The following MAP2 variants were observed in gnomAD, a reference collection of about 807,000 sequenced individuals.
MAP2 encodes microtubule-associated protein 2.
A neutral mutation model predicts 137.6 loss-of-function variants in MAP2; 14 were observed. The ratio of observed to expected loss-of-function variants is 0.10; its 90% CI spans 0.07 to 0.16. The LOEUF is 0.16. MAP2 is among the 10% of genes least tolerant of loss of function. MAP2 has a pLI of 1.00. For missense variants in MAP2, 2,088 were observed against 2,191.5 expected (o/e 0.95, Z 0.94); for synonymous variants, 786 against 782.3 (o/e 1.00, Z -0.08).
At chr2:209,651,991 A>G (rs1038081850) in intron 4 of MAP2, among the ~76,000 whole-genome samples, 1 of 152,160 alleles carries the variant, frequency 6.6e-6, no homozygotes, top group Non-Finnish European at 1.5e-5. Flanking sequence ...TTTGCTTGAG[A>G]TACTTTTTTG....
chr2:209,699,666 G>A (rs376368975), intron 10 of MAP2, among the ~76,000 whole-genome samples: 55 of 152,180 alleles, frequency 3.6e-4, no homozygotes, highest in African/African-American at 1.1e-3. Flanking sequence ...ATTTTCTCTC[G>A]TGTTTTCTGT....
intron 4 of MAP2, among the ~76,000 whole-genome samples, chr2:209,632,703 C>T (rs115343603): frequency 0.011 from 1,647 of 152,210 alleles, 29 homozygotes; most frequent in African/African-American, 0.038. Context: ...ATCTCCGTTG[C>T]TATCCATCAA....
intron 3 of MAP2, among the ~76,000 whole-genome samples, chr2:209,604,227 T>G (rs2083899636): frequency 6.6e-6 from 1 of 152,182 alleles, no homozygotes; most frequent in Non-Finnish European, 1.5e-5. Context: ...AATTCAGTTT[T>G]CCAAGTAGTT....
chr2:209,690,422 C>A (rs1175424492), intron 7 of MAP2, among the ~76,000 whole-genome samples: 1 of 152,132 alleles, frequency 6.6e-6, no homozygotes, highest in East Asian at 1.9e-4. Context: ...AGTTTTCCAA[C>A]CAGTACCTAA....
chr2:209,564,409 T>C (rs1488961122), intron 2 of MAP2, among the ~76,000 whole-genome samples: 1 of 152,078 alleles, frequency 6.6e-6, no homozygotes, highest in African/African-American at 2.4e-5. Context: ...TAGTGTTTTT[T>C]CAAACTGGAT....
intron 4 of MAP2, among the ~76,000 whole-genome samples, chr2:209,640,021 AAAAC>A (rs2093888935): frequency 6.6e-6 from 1 of 152,110 alleles, no homozygotes; most frequent in East Asian, 1.9e-4. Context: ...CCAAGTCTCA[AAAAC>A]AAACAAAACA....
At chr2:209,434,229 T>G (rs535895029) in intron 1 of MAP2, among the ~76,000 whole-genome samples, 23 of 152,206 alleles carry the variant, frequency 1.5e-4, no homozygotes, top group Admixed American at 1.3e-3. Flanking sequence ...AAATACACTT[T>G]GCAGACATTT....
intron 13 of MAP2, among the ~76,000 whole-genome samples, chr2:209,716,028 G>A (rs1424055196): frequency 2.0e-5 from 3 of 152,042 alleles, no homozygotes; most frequent in Admixed American, 2.0e-4. Flanking sequence ...CACTACCTTA[G>A]CGCAGGATAC....
chr2:209,590,478 G>A (rs1430912910), intron 3 of MAP2, among the ~76,000 whole-genome samples: 1 of 152,048 alleles, frequency 6.6e-6, no homozygotes, highest in Non-Finnish European at 1.5e-5. Context: ...TGGGATTACA[G>A]GCAAGCGCCA....
At chr2:209,704,766 A>C in intron 11 of MAP2, 3 of 638,672 alleles carry the variant, frequency 4.7e-6, no homozygotes, top group Non-Finnish European at 7.0e-6. Context: ...TTTAAAAACA[A>C]ATACAAATTT....
chr2:209,616,223 A>G (rs1019231552), intron 3 of MAP2, among the ~76,000 whole-genome samples: 2 of 152,238 alleles, frequency 1.3e-5, no homozygotes, highest in Non-Finnish European at 2.9e-5. Flanking sequence ...AGTGAGGCCC[A>G]GGTGGGGCAT....
intron 14 of MAP2, 114 bp downstream of exon 14, chr2:209,725,904 G>A (rs2153812696): frequency 1.7e-6 from 1 of 573,196 alleles, no homozygotes; most frequent in Non-Finnish European, 3.0e-6. Flanking sequence ...TAAAATATGG[G>A]TACTTCACAT....
intron 2 of MAP2, among the ~76,000 whole-genome samples, chr2:209,522,269 G>T (rs946111059): frequency 6.6e-6 from 1 of 152,074 alleles, no homozygotes; most frequent in African/African-American, 2.4e-5. Context: ...CTGAATCAAG[G>T]CAGAGCCCTG....
intron 1 of MAP2, among the ~76,000 whole-genome samples, chr2:209,482,243 C>G (rs1401669021): frequency 6.6e-6 from 1 of 152,072 alleles, no homozygotes; most frequent in African/African-American, 2.4e-5. Flanking sequence ...TGCTTTCTAT[C>G]TCATACAGTA....
At chr2:209,494,167 G>A (rs2059460926) in intron 1 of MAP2, among the ~76,000 whole-genome samples, 1 of 152,034 alleles carries the variant, frequency 6.6e-6, no homozygotes, top group Middle Eastern at 3.2e-3. Flanking sequence ...ATCATTCTCA[G>A]CAAACTAACA....
chr2:209,586,966 T>C (rs1159016565), intron 3 of MAP2, among the ~76,000 whole-genome samples: 1 of 152,182 alleles, frequency 6.6e-6, no homozygotes, highest in African/African-American at 2.4e-5. Context: ...AGTTTTTAAA[T>C]CCCAGCCAGT....
intron 1 of MAP2, among the ~76,000 whole-genome samples, chr2:209,478,441 A>G (rs1174363989): frequency 6.6e-6 from 1 of 152,240 alleles, no homozygotes; most frequent in Admixed American, 6.5e-5. Context: ...TAATTATCTA[A>G]TTGAAGACAA....
chr2:209,719,898 A>G (rs2069519559), intron 13 of MAP2, among the ~76,000 whole-genome samples: 1 of 152,234 alleles, frequency 6.6e-6, no homozygotes, highest in Non-Finnish European at 1.5e-5. Context: ...CAATGTTTGC[A>G]TAAAATTCAT....
At chr2:209,697,135 T>G (rs981920669) in intron 10 of MAP2, 84 bp downstream of exon 10, 10 of 1,373,436 alleles carry the variant, frequency 7.3e-6, no homozygotes, top group Admixed American at 2.6e-5. Context: ...AGCTTCTTCA[T>G]TTTGTTTTTC....
Sources: allele counts gnomAD v4.1 joint callset (sites outside exome capture counted in the v4.1 genomes callset), GRCh38; gene constraint gnomAD v4.1.1; transcripts MANE v1.5; gene names NCBI Gene and HGNC (gene_info 2026-07-23, HGNC 2026-07-21).